The following DCDC2 variants were observed in gnomAD, a reference collection of about 807,000 sequenced individuals.
DCDC2 encodes the protein doublecortin domain containing 2.
DCDC2 carries 40 observed loss-of-function variants against 50.2 expected under a neutral mutation model. That is an observed-to-expected ratio of 0.80 (90% CI 0.62 to 1.04). DCDC2 has a LOEUF of 1.04. DCDC2 is among the 50% of genes least tolerant of loss of function. DCDC2 has a pLI of 0.00. For missense variants in DCDC2, 570 were observed against 581.9 expected, an observed-to-expected ratio of 0.98 and a Z score of 0.21; for synonymous variants, 234 against 210.6, an observed-to-expected ratio of 1.11 and a Z score of -0.96.
intron 2 of DCDC2, among the ~76,000 whole-genome samples, chr6:24,326,611 C>G (rs1759872955): frequency 6.7e-6 from 1 of 149,070 alleles, no homozygotes; most frequent in Admixed American, 6.7e-5. Flanking sequence ...TAACCCAGCA[C>G]TTTGGGAGGC....
chr6:24,177,398 G>A (rs1760947082), intron 9 of DCDC2, among the ~76,000 whole-genome samples: 2 of 152,162 alleles, frequency 1.3e-5, no homozygotes, highest in Non-Finnish European at 2.9e-5. Flanking sequence ...CTTTCCCTAA[G>A]CAAGATAAAT....
chr6:24,197,824 C>G (rs141914481), intron 8 of DCDC2, among the ~76,000 whole-genome samples: 42 of 152,280 alleles, frequency 2.8e-4, no homozygotes, highest in African/African-American at 9.4e-4. Context: ...AGTGGTAGTT[C>G]CTAGTGACTT....
At chr6:24,375,575 T>C in the DCDC2 span, among the ~76,000 whole-genome samples, 1 of 152,206 alleles carries the variant, frequency 6.6e-6, no homozygotes, top group Non-Finnish European at 1.5e-5. Flanking sequence ...CCCTTCTTGT[T>C]ATTCAGATCT....
intron 7 of DCDC2, among the ~76,000 whole-genome samples, chr6:24,253,275 T>C (rs1209592902): frequency 4.6e-5 from 7 of 152,110 alleles, no homozygotes; most frequent in Non-Finnish European, 1.0e-4. Context: ...AAGCATAAAA[T>C]ACTAATGTGA....
intron 2 of DCDC2, among the ~76,000 whole-genome samples, chr6:24,312,462 T>TA (rs112733949): frequency 0.31 from 46,287 of 151,388 alleles, 7,353 homozygotes; most frequent in East Asian, 0.53. Context: ...TATAATAATA[T>TA]TTTTTTTTAA....
At chr6:24,188,882 A>G (rs891499930) in intron 8 of DCDC2, among the ~76,000 whole-genome samples, 1 of 152,156 alleles carries the variant, frequency 6.6e-6, no homozygotes, top group Non-Finnish European at 1.5e-5. Flanking sequence ...CCAGCCTCAC[A>G]GCCTCTCTGG....
In DCDC2 at chr6:24,174,947, T is replaced by A. The variant is rs980205366; in HGVS notation, c.1327-113A>T. The A allele has an allele frequency of 1.1e-5, 6 of 543,794 alleles. No homozygotes were observed. The African/African-American group carries it at 1.2e-4, about 11-fold the overall frequency. 33.7% of individuals were successfully genotyped at this position (543,794 alleles called of 1,614,324 possible). ...CTATTTAATTATATAAATATTTAAC[T>A]AAAAAGAGTTCCTGGGGTTCCCTTT... On this transcript the variant is annotated intron_variant, in intron 9 of 9. Coordinates refer to ENST00000378454, the MANE Select transcript of DCDC2 (RefSeq NM_016356.5).
At chr6:24,208,149 T>A (rs1302668717) in intron 7 of DCDC2, among the ~76,000 whole-genome samples, 1 of 152,150 alleles carries the variant, frequency 6.6e-6, no homozygotes, top group Non-Finnish European at 1.5e-5. Context: ...CCAAAGAACC[T>A]GCAGGTCACG....
intron 5 of DCDC2, among the ~76,000 whole-genome samples, chr6:24,289,224 T>C (rs2296539): frequency 0.52 from 79,769 of 152,118 alleles, 25,459 homozygotes; most frequent in East Asian, 0.79. Flanking sequence ...CAAAAAATCA[T>C]TTCCAAATGT....
chr6:24,281,344 C>CTT (rs577049117), intron 6 of DCDC2, among the ~76,000 whole-genome samples: 1,538 of 141,834 alleles, frequency 0.011, 24 homozygotes, highest in African/African-American at 0.036. Flanking sequence ...AATTGAAATG[C>CTT]TTTTTTTTTT....
intron 7 of DCDC2, chr6:24,205,430 G>T: frequency 8.8e-7 from 1 of 1,140,402 alleles, no homozygotes; most frequent in Non-Finnish European, 1.2e-6. Flanking sequence ...TATCATCCCA[G>T]TTCTCCCCTC....
intron 6 of DCDC2, among the ~76,000 whole-genome samples, chr6:24,280,426 T>C (rs905405793): frequency 9.2e-5 from 14 of 151,610 alleles, no homozygotes; most frequent in African/African-American, 3.4e-4. Flanking sequence ...AGCTCTGCCA[T>C]AAACTGTCTG....
intron 2 of DCDC2, among the ~76,000 whole-genome samples, chr6:24,352,098 T>G (rs371140384): frequency 1.6e-3 from 248 of 152,228 alleles, no homozygotes; most frequent in African/African-American, 5.3e-3. Context: ...AAGGAGACTC[T>G]GTCTCAAAAA....
At chr6:24,308,111 CCTT>C (rs1759507335) in intron 2 of DCDC2, among the ~76,000 whole-genome samples, 1 of 152,162 alleles carries the variant, frequency 6.6e-6, no homozygotes, top group African/African-American at 2.4e-5. Context: ...CCCCATGGGG[CCTT>C]CTTCAAGTGC....
intron 7 of DCDC2, among the ~76,000 whole-genome samples, chr6:24,219,094 AG>A (rs1762043410): frequency 6.8e-6 from 1 of 148,012 alleles, no homozygotes; most frequent in African/African-American, 2.7e-5. Context: ...TATTAAGTGC[AG>A]TTGAATTAAC....
chr6:24,344,739 T>G (rs1760224570), intron 2 of DCDC2, among the ~76,000 whole-genome samples: 1 of 152,148 alleles, frequency 6.6e-6, no homozygotes, highest in Non-Finnish European at 1.5e-5. Context: ...CACAGTTCAA[T>G]GCTGACAAAA....
intron 8 of DCDC2, among the ~76,000 whole-genome samples, chr6:24,189,765 T>C (rs73726614): frequency 0.032 from 4,900 of 152,156 alleles, 227 homozygotes; most frequent in African/African-American, 0.1. Flanking sequence ...TCAATAAAAA[T>C]GAAAAAGACT....
intron 7 of DCDC2, among the ~76,000 whole-genome samples, chr6:24,220,925 A>AGAGAGTGAGC (rs1762105886): frequency 2.0e-5 from 3 of 152,022 alleles, no homozygotes; most frequent in South Asian, 2.1e-4. Context: ...CGAGCGAGCG[A>AGAGAGTGAGC]GAGCACATGC....
intron 2 of DCDC2, among the ~76,000 whole-genome samples, chr6:24,316,782 T>C (rs887919362): frequency 3.3e-5 from 5 of 152,042 alleles, no homozygotes; most frequent in South Asian, 2.1e-4. Flanking sequence ...ACTCAAACAA[T>C]AGAAATTTTC....
Sources: allele counts gnomAD v4.1 joint callset (sites outside exome capture counted in the v4.1 genomes callset), GRCh38; gene constraint gnomAD v4.1.1; transcripts MANE v1.5; gene names NCBI Gene and HGNC (gene_info 2026-07-23, HGNC 2026-07-21).